ANK2: variants seen among roughly 807,000 people sequenced by gnomAD.
ANK2 encodes the protein ankyrin-2.
ANK2 carries 83 observed loss-of-function variants against 360.5 expected under a neutral mutation model. That is an observed-to-expected ratio of 0.23 (90% CI 0.19 to 0.28). ANK2 has a LOEUF of 0.28. Ranked by LOEUF, ANK2 falls within the 10% of genes least tolerant of loss-of-function variation. The pLI, the probability that ANK2 is intolerant of heterozygous loss-of-function variation, is 1.00. For missense variants in ANK2, 4,201 were observed against 4,795.7 expected (o/e 0.88, Z 3.66); for synonymous variants, 1,740 against 1,759.5 (o/e 0.99, Z 0.28).
intron 23 of ANK2, among the ~76,000 whole-genome samples, chr4:113,306,512 G>C (rs965078312): frequency 2.0e-5 from 3 of 152,176 alleles, no homozygotes; most frequent in Non-Finnish European, 2.9e-5. Flanking sequence ...ATTTAAAACT[G>C]TTTTTACAAA....
intron 13 of ANK2, among the ~76,000 whole-genome samples, chr4:113,260,675 G>T (rs1212568391): frequency 6.6e-6 from 1 of 152,328 alleles, no homozygotes; most frequent in East Asian, 1.9e-4. Flanking sequence ...TTTGTTGTTT[G>T]TCTGGAATTA....
intron 1 of ANK2, among the ~76,000 whole-genome samples, chr4:112,840,833 G>C (rs190582082): frequency 2.6e-5 from 4 of 152,304 alleles, no homozygotes; most frequent in African/African-American, 9.6e-5. Flanking sequence ...TATAAGCCAG[G>C]ATTCCAACCC....
At chr4:112,721,389 A>C in the ANK2 span, among the ~76,000 whole-genome samples, 1 of 152,032 alleles carries the variant, frequency 6.6e-6, no homozygotes, top group Non-Finnish European at 1.5e-5. Context: ...AAAATACAAA[A>C]AAATTAGTGA....
intron 1 of ANK2, among the ~76,000 whole-genome samples, chr4:113,135,938 A>G (rs980692687): frequency 2.6e-5 from 4 of 152,234 alleles, no homozygotes; most frequent in African/African-American, 7.2e-5. Context: ...GAGATTCATT[A>G]AAGCATTTCT....
chr4:112,952,515 T>G (rs908651349), intron 2 of ANK2, among the ~76,000 whole-genome samples: 1 of 152,200 alleles, frequency 6.6e-6, no homozygotes, highest in Non-Finnish European at 1.5e-5. Flanking sequence ...AGACCATTCT[T>G]TGAGCTCTAA....
chr4:113,163,954 A>G (rs1399655476), intron 1 of ANK2, among the ~76,000 whole-genome samples: 2 of 152,032 alleles, frequency 1.3e-5, no homozygotes, highest in Non-Finnish European at 2.9e-5. Context: ...GTAACCATCA[A>G]TAGTCATTCT....
chr4:112,846,653 A>T (rs2063379018), intron 1 of ANK2, among the ~76,000 whole-genome samples: 1 of 151,874 alleles, frequency 6.6e-6, no homozygotes, highest in African/African-American at 2.4e-5. Context: ...CACCTTTTAG[A>T]CATTGGCTAT....
At chr4:112,788,478 G>C in the ANK2 span, 8 of 1,597,342 alleles carry the variant, frequency 5.0e-6, no homozygotes, top group Non-Finnish European at 6.8e-6. Flanking sequence ...CCTGCTCAAA[G>C]GACAGGTGGT....
intron 2 of ANK2, among the ~76,000 whole-genome samples, chr4:112,912,245 A>G (rs2087870331): frequency 6.6e-6 from 1 of 151,992 alleles, no homozygotes; most frequent in Admixed American, 6.6e-5. Flanking sequence ...CAAATTTTCC[A>G]CTTTCTGATG....
At chr4:112,976,161 T>C (rs934171692) in intron 2 of ANK2, among the ~76,000 whole-genome samples, 10 of 151,812 alleles carry the variant, frequency 6.6e-5, no homozygotes, top group Admixed American at 6.6e-5. Flanking sequence ...ATTAAAAGAG[T>C]TTATCATACA....
chr4:113,312,111 T>G (rs10030701), intron 24 of ANK2, among the ~76,000 whole-genome samples: 27,646 of 151,870 alleles, frequency 0.18, 4,140 homozygotes, highest in African/African-American at 0.42. Context: ...CTCATTGAAA[T>G]TATGACTGAT....
intron 4 of ANK2, among the ~76,000 whole-genome samples, chr4:113,205,191 A>G (rs866169882): frequency 7.8e-6 from 1 of 128,852 alleles, no homozygotes; most frequent in East Asian, 2.5e-4. Context: ...AGCCGACATC[A>G]CGCCACTGCA....
chr4:113,003,716 AC>A (rs1244197453), intron 2 of ANK2, among the ~76,000 whole-genome samples: 1 of 152,220 alleles, frequency 6.6e-6, no homozygotes, highest in African/African-American at 2.4e-5. Context: ...TGAACTGAAT[AC>A]TTAAATGTGA....
At chr4:113,245,613 A>G (rs2042417719) in intron 9 of ANK2, among the ~76,000 whole-genome samples, 1 of 152,114 alleles carries the variant, frequency 6.6e-6, no homozygotes, top group Admixed American at 6.5e-5. Context: ...CAAAAATAGC[A>G]TGAGGGTAAC....
At chr4:112,950,675 A>G (rs1420847113) in intron 2 of ANK2, among the ~76,000 whole-genome samples, 1 of 151,454 alleles carries the variant, frequency 6.6e-6, no homozygotes, top group Non-Finnish European at 1.5e-5. Context: ...AAAAAAAGAA[A>G]GGTTAAAAAA....
At chr4:113,363,693 C>G (rs1421685623) in intron 40 of ANK2, among the ~76,000 whole-genome samples, 1 of 152,116 alleles carries the variant, frequency 6.6e-6, no homozygotes, top group Non-Finnish European at 1.5e-5. Flanking sequence ...GTTTGTGTAT[C>G]CTCCCCATGT....
At chr4:113,105,114 T>G (rs2093452431) in intron 1 of ANK2, among the ~76,000 whole-genome samples, 1 of 152,106 alleles carries the variant, frequency 6.6e-6, no homozygotes, top group Non-Finnish European at 1.5e-5. Context: ...TTTTGGCTAT[T>G]TAGTAAAATT....
Position 113,098,116 on chromosome 4 carries a change from GATTAA to G in ANK2, c.84+48306_84+48310del, listed in dbSNP as rs559425591. The stretch of plus-strand genomic sequence containing the variant: ...AATGAATTGTTTGGAAAAGAAAAAA[GATTAA>G]AATCCATCAATCTAAGCTTTTATCA... On this transcript the variant is annotated intron_variant, in intron 1 of 45. Coordinates refer to ENST00000357077, the MANE Select transcript of ANK2 (RefSeq NM_001148.6). 3.2e-4 allele frequency among the ~76,000 whole-genome samples: 48 copies of G among 151,334 alleles called. No individual in the cohort carries two copies. In the South Asian group the frequency reaches 3.5e-3, roughly 11 times the overall value.
rs139123934 is a variant in ANK2 at position 113,255,863 on chromosome 4, G to T, written c.1119G>T (p.Ala373=). 2 of 1,614,166 alleles carry T rather than the reference G, an allele frequency of 1.2e-6. No homozygotes were observed. Among genetic ancestry groups the T allele is most frequent in the Non-Finnish European group, 1.7e-6 (2 of 1,180,032 alleles). ...LDYLTALHVA[A]HCGHYRVTKL... ...ACCTGACAGCCCTCCACGTTGCTGC[G>T]CACTGTGGCCACTACCGTGTAACCA... Residue 373 remains alanine, a synonymous_variant, in exon 11 of 46, where the codon GCG becomes GCT. Transcript: ENST00000357077.
Sources: allele counts gnomAD v4.1 joint callset (sites outside exome capture counted in the v4.1 genomes callset), GRCh38; gene constraint gnomAD v4.1.1; transcripts MANE v1.5; gene names NCBI Gene and HGNC (gene_info 2026-07-23, HGNC 2026-07-21).